Variants in UNC13C observed in about 807,000 individuals in gnomAD.
UNC13C encodes protein unc-13 homolog C.
Under a neutral mutation model 245.4 loss-of-function variants are expected in UNC13C, and 174 were observed. That is an observed-to-expected ratio of 0.71 (90% CI 0.63 to 0.80). The LOEUF is 0.80. Among genes scored for constraint, UNC13C ranks in the 30% least tolerant of loss-of-function variants. UNC13C has a pLI of 0.00. For synonymous variants in UNC13C, 992 were observed against 895.1 expected (o/e 1.11, Z -1.93); for missense variants, 2,829 against 2,602.9 (o/e 1.09, Z -1.89).
chr15:54,184,903 A>G (rs2033923848), intron 4 of UNC13C, among the ~76,000 whole-genome samples: 2 of 152,000 alleles, frequency 1.3e-5, no homozygotes, highest in South Asian at 2.1e-4. Flanking sequence ...AAGTGTTCCT[A>G]TTTCTCCACA....
intron 30 of UNC13C, among the ~76,000 whole-genome samples, chr15:54,602,272 A>G (rs1899480534): frequency 2.0e-5 from 3 of 152,314 alleles, no homozygotes; most frequent in Admixed American, 6.5e-5. Flanking sequence ...TTTACACACT[A>G]CGCAGAGTAA....
chr15:54,536,347 T>C (rs777641947), intron 26 of UNC13C, among the ~76,000 whole-genome samples: 14 of 151,768 alleles, frequency 9.2e-5, no homozygotes, highest in Admixed American at 2.6e-4. Flanking sequence ...AATAAAAGCC[T>C]ACCAACCAGA....
the UNC13C span, among the ~76,000 whole-genome samples, chr15:53,958,746 C>A: frequency 6.6e-6 from 1 of 152,198 alleles, no homozygotes; most frequent in Middle Eastern, 3.4e-3. Flanking sequence ...ATGTATAATG[C>A]TCTAATCAGG....
chr15:53,932,138 A>T, the UNC13C span, among the ~76,000 whole-genome samples: 1 of 151,968 alleles, frequency 6.6e-6, no homozygotes, highest in African/African-American at 2.4e-5. Context: ...GTGAAACCCC[A>T]TCTCTACTAA....
chr15:54,532,747 C>G (rs1010295886), intron 25 of UNC13C, among the ~76,000 whole-genome samples, 170 bp from the exon 26 acceptor site: 1 of 152,184 alleles, frequency 6.6e-6, no homozygotes, highest in African/African-American at 2.4e-5. Context: ...AAGTATTACA[C>G]GTAAGCTTTC....
At chr15:54,622,966 T>C (rs1900888957) in intron 31 of UNC13C, among the ~76,000 whole-genome samples, 1 of 152,204 alleles carries the variant, frequency 6.6e-6, no homozygotes, top group Non-Finnish European at 1.5e-5. Context: ...CTGCCCAATA[T>C]ATTTCAGAAT....
intron 4 of UNC13C, among the ~76,000 whole-genome samples, chr15:54,227,888 A>C (rs1567116224): frequency 2.0e-5 from 3 of 152,200 alleles, no homozygotes. Flanking sequence ...CTGACGCTCC[A>C]CAATAAGCAG....
chr15:54,064,510 G>A (rs187504303), intron 2 of UNC13C, among the ~76,000 whole-genome samples: 6 of 152,268 alleles, frequency 3.9e-5, no homozygotes, highest in African/African-American at 9.6e-5. Context: ...CAATATGCAC[G>A]TGGAAGCAGT....
chr15:54,109,601 C>T (rs979705535), intron 2 of UNC13C, among the ~76,000 whole-genome samples: 3 of 151,952 alleles, frequency 2.0e-5, no homozygotes, highest in Admixed American at 6.6e-5. Flanking sequence ...CTCGGCCTCC[C>T]AAAGTACTGG....
At chr15:54,093,768 A>T (rs1282988866) in intron 2 of UNC13C, among the ~76,000 whole-genome samples, 1 of 152,218 alleles carries the variant, frequency 6.6e-6, no homozygotes, top group Non-Finnish European at 1.5e-5. Context: ...GAGAAAAGTC[A>T]CATTCAGCTT....
At chr15:54,607,759 G>GT (rs1899848583) in intron 30 of UNC13C, among the ~76,000 whole-genome samples, 1 of 152,024 alleles carries the variant, frequency 6.6e-6, no homozygotes, top group African/African-American at 2.4e-5. Flanking sequence ...GAAGGGGGAG[G>GT]TGCTACACAC....
In UNC13C at chr15:54,318,610, T is replaced by C. The variant is rs1031315009; in HGVS notation, c.4269-3329T>C. Reference sequence around the variant, plus strand: ...GCTACTGAGTTATTCAAGGTTCTTATATGGTTTGGGTATTAACACCTTATC... The same window carrying C: ...GCTACTGAGTTATTCAAGGTTCTTACATGGTTTGGGTATTAACACCTTATC... On this transcript the variant is annotated intron_variant, in intron 13 of 32. Coordinates refer to ENST00000260323, the MANE Select transcript of UNC13C (RefSeq NM_001080534.3). 2.6e-5 allele frequency among the ~76,000 whole-genome samples: 4 copies of C among 151,958 alleles called. No individual in the cohort carries two copies. In the South Asian group the frequency reaches 6.2e-4, roughly 24 times the overall value.
At chr15:54,479,671 C>G (rs1030784180) in intron 19 of UNC13C, among the ~76,000 whole-genome samples, 6 of 151,160 alleles carry the variant, frequency 4.0e-5, no homozygotes, top group African/African-American at 1.5e-4. Context: ...TATTGTTTGC[C>G]TTTACAATTT....
chr15:53,967,473 T>C, the UNC13C span, among the ~76,000 whole-genome samples: 3 of 152,140 alleles, frequency 2.0e-5, no homozygotes, highest in Non-Finnish European at 4.4e-5. Flanking sequence ...TTACATTCCT[T>C]ATTGCTTTCT....
intron 10 of UNC13C, among the ~76,000 whole-genome samples, chr15:54,277,544 T>C (rs923083338): frequency 6.6e-6 from 1 of 152,212 alleles, no homozygotes; most frequent in Non-Finnish European, 1.5e-5. Flanking sequence ...ATTCATAGGT[T>C]TATTACTTTA....
the UNC13C span, among the ~76,000 whole-genome samples, chr15:53,900,657 A>G: frequency 0.035 from 5,362 of 152,206 alleles, 326 homozygotes; most frequent in African/African-American, 0.12. Flanking sequence ...AGTGTTCATC[A>G]AACTTCTATT....
At chr15:54,100,534 T>G (rs1406075850) in intron 2 of UNC13C, among the ~76,000 whole-genome samples, 1 of 152,158 alleles carries the variant, frequency 6.6e-6, no homozygotes, top group Non-Finnish European at 1.5e-5. Context: ...ACTCTCTATG[T>G]GATTCCATTC....
At chr15:53,867,983 A>G in the UNC13C span, among the ~76,000 whole-genome samples, 7 of 152,060 alleles carry the variant, frequency 4.6e-5, no homozygotes, top group Admixed American at 6.6e-5. Flanking sequence ...GGCACCTGCC[A>G]CCATTCCTAG....
intron 19 of UNC13C, among the ~76,000 whole-genome samples, chr15:54,436,385 C>G (rs1177248638): frequency 6.6e-6 from 1 of 151,910 alleles, no homozygotes; most frequent in Non-Finnish European, 1.5e-5. Flanking sequence ...GCACTATTTA[C>G]AATAGCAAAG....
Sources: allele counts gnomAD v4.1 joint callset (sites outside exome capture counted in the v4.1 genomes callset), GRCh38; gene constraint gnomAD v4.1.1; transcripts MANE v1.5; gene names NCBI Gene and HGNC (gene_info 2026-07-23, HGNC 2026-07-21).